Variants in NGEF observed in about 807,000 individuals in gnomAD.
NGEF encodes the protein ephexin-1.
A neutral mutation model predicts 80.9 loss-of-function variants in NGEF; 31 were observed. The ratio of observed to expected loss-of-function variants is 0.38; its 90% CI spans 0.29 to 0.52. The LOEUF is 0.52. Ranked by LOEUF, NGEF falls within the 20% of genes least tolerant of loss-of-function variation. NGEF has a pLI of 0.84. For synonymous variants in NGEF, 371 were observed against 370.2 expected (o/e 1.00, Z -0.03); for missense variants, 709 against 926.2 (o/e 0.77, Z 3.04).
intron 3 of NGEF, among the ~76,000 whole-genome samples, chr2:232,937,621 T>G (rs553762184): frequency 6.6e-6 from 1 of 152,294 alleles, no homozygotes; most frequent in South Asian, 2.1e-4. Context: ...GATCTCTGCA[T>G]CCTCAGCACC....
Position 232,888,073 on chromosome 2 carries a change from C to A in NGEF, c.1307G>T (p.Arg436Leu), listed in dbSNP as rs572634482. The change falls in exon 9 of 15, where the codon CGG becomes CTG. Residue 436 changes from arginine (R) to leucine (L), a missense_variant. Transcript: ENST00000264051. ...ILKRVEERSE[R>L]ECTALDAHKE... ...GTGAGCATCCAAAGCAGTGCACTCC[C>A]GCTCAGACCTCTCTTCTACCCTCTT... 8.1e-6 allele frequency: 13 copies of A among 1,613,086 alleles called. No individual in the cohort carries two copies. In the South Asian group the frequency reaches 1.2e-4, roughly 15 times the overall value.
chr2:232,885,202 G>C, intron 10 of NGEF, 78 bp downstream of exon 10: 8 of 1,333,926 alleles, frequency 6.0e-6, no homozygotes, highest in Non-Finnish European at 1.1e-6. Flanking sequence ...GGCCAGCCAG[G>C]CGCGGTGATC....
intron 8 of NGEF, among the ~76,000 whole-genome samples, chr2:232,889,000 C>T (rs1328105123): frequency 6.6e-6 from 1 of 152,160 alleles, no homozygotes; most frequent in Non-Finnish European, 1.5e-5. Flanking sequence ...GGGCACCAAC[C>T]ACCTGTCCTC....
At chr2:232,995,622 T>TATATATACA in intron 1 of NGEF, among the ~76,000 whole-genome samples, 7 of 32,002 alleles carry the variant, frequency 2.2e-4, no homozygotes, top group Non-Finnish European at 3.5e-4. Context: ...TGTATACGTA[T>TATATATACA]GTATACTGTA....
rs371494668 is a variant in NGEF at position 232,997,483 on chromosome 2, C to T, written c.-75+15585G>A. Reference sequence around the variant, plus strand: ...AAGCTGGCATCCAAGCCAGAACCCCCGGGCACCTTTGGGAATATGCACCCT... The same window carrying T: ...AAGCTGGCATCCAAGCCAGAACCCCTGGGCACCTTTGGGAATATGCACCCT... On this transcript the variant is annotated intron_variant, in intron 1 of 14. Coordinates refer to ENST00000264051, the MANE Select transcript of NGEF (RefSeq NM_019850.3). Among the ~76,000 whole-genome samples the T allele has an allele frequency of 1.9e-4, 29 of 152,102 alleles. 1 individual carries two copies. The highest frequency in any genetic ancestry group is 3.8e-4 in the Non-Finnish European group (26 of 68,008).
chr2:232,967,706 G>GGGGTGT (rs112187334), intron 3 of NGEF, among the ~76,000 whole-genome samples: 6 of 148,348 alleles, frequency 4.0e-5, no homozygotes, highest in African/African-American at 1.0e-4. Flanking sequence ...ATAAAATAGG[G>GGGGTGT]GTGTGTGTGT....
chr2:232,934,548 T>C (rs1693289726), intron 3 of NGEF, among the ~76,000 whole-genome samples: 1 of 152,206 alleles, frequency 6.6e-6, no homozygotes. Context: ...TCAGCTAAAT[T>C]CCACATGTTC....
intron 3 of NGEF, among the ~76,000 whole-genome samples, chr2:232,954,365 A>C (rs561051134): frequency 3.5e-4 from 53 of 152,288 alleles, no homozygotes; most frequent in African/African-American, 1.3e-3. Flanking sequence ...GAAAAGATGG[A>C]TAAGTTGCCA....
At chr2:232,913,282 G>C (rs182964303) in intron 5 of NGEF, among the ~76,000 whole-genome samples, 199 of 152,316 alleles carry the variant, frequency 1.3e-3, no homozygotes, top group African/African-American at 4.7e-3. Flanking sequence ...ATTTCCAAGT[G>C]TTTGGAGATT....
chr2:232,907,125 C>T (rs563294518), intron 5 of NGEF, among the ~76,000 whole-genome samples: 2 of 146,170 alleles, frequency 1.4e-5, no homozygotes, highest in Non-Finnish European at 3.0e-5. Flanking sequence ...CCTGCCAAAT[C>T]CCCCTCTGCG....
At chr2:232,904,851 C>T (rs1692452838) in intron 5 of NGEF, among the ~76,000 whole-genome samples, 1 of 152,122 alleles carries the variant, frequency 6.6e-6, no homozygotes, top group East Asian at 1.9e-4. Context: ...GAGGCTGAGG[C>T]AGGACAGCTT....
intron 1 of NGEF, among the ~76,000 whole-genome samples, chr2:233,010,700 G>T (rs1559247707): frequency 6.6e-6 from 1 of 152,174 alleles, no homozygotes. Flanking sequence ...GCCCACAGAG[G>T]GTGCTCCAGC....
chr2:232,920,255 G>A (rs566676736), intron 5 of NGEF, 29 bp downstream of exon 5: 4 of 1,591,842 alleles, frequency 2.5e-6, no homozygotes, highest in African/African-American at 2.7e-5. Context: ...TGTGCTGTGG[G>A]GGAGCCCCCG....
intron 5 of NGEF, among the ~76,000 whole-genome samples, chr2:232,907,174 G>GAAAAAAAA (rs1559204407): frequency 3.0e-5 from 1 of 33,060 alleles, no homozygotes; most frequent in East Asian, 8.8e-4. Context: ...AAAAAAAAAA[G>GAAAAAAAA]AAAAGAAAAA....
rs552502959 is a variant in NGEF, at chr2:232,927,878, G to A, written c.384-692C>T. On this transcript the variant is annotated intron_variant, in intron 3 of 14. Coordinates refer to ENST00000264051, the MANE Select transcript of NGEF (RefSeq NM_019850.3). Reference sequence around the variant, plus strand: ...GGGGCGGCGCGCCGGGGCCGGGACAGGCGCCCGTCCTCACCTGCCGGGCAG... The same window carrying A: ...GGGGCGGCGCGCCGGGGCCGGGACAAGCGCCCGTCCTCACCTGCCGGGCAG... 58 of 1,270,586 alleles carry A rather than the reference G, an allele frequency of 4.6e-5. No homozygotes were observed. In the African/African-American group the frequency reaches 8.4e-4, roughly 18 times the overall value. 78.7% of individuals were successfully genotyped at this position (1,270,586 alleles called of 1,614,324 possible). A position where few individuals can be genotyped will look rare whatever the true frequency, so the allele number is the denominator to read the frequency against.
In NGEF at chr2:233,013,152, A is replaced by AGG. The variant is rs1290919553; in HGVS notation, c.-161_-160dup. Reference sequence around the variant, plus strand: ...CTGTCCTGTCCAGGCACCTGCGAGCAGGATGGTGTGTCCCCGGCTAAATCC... The same window carrying AGG: ...CTGTCCTGTCCAGGCACCTGCGAGCAGGGGATGGTGTGTCCCCGGCTAAATCC... On this transcript the variant is annotated 5_prime_UTR_variant, in exon 1 of 15. It introduces an in-frame stop codon into an upstream open reading frame of the 5' UTR. Transcript: ENST00000264051. 1 of 471,300 alleles carries AGG rather than the reference A, an allele frequency of 2.1e-6. No homozygotes were observed. Among genetic ancestry groups the AGG allele is most frequent in the Non-Finnish European group, 4.4e-6 (1 of 227,080 alleles). The allele number at this position is 471,300 out of a possible 1,614,324, so 29.2% of individuals were successfully genotyped here.
At chr2:232,973,150 A>G (rs982042988) in intron 2 of NGEF, among the ~76,000 whole-genome samples, 7 of 152,060 alleles carry the variant, frequency 4.6e-5, no homozygotes, top group African/African-American at 1.7e-4. Context: ...CTTTGCCTTT[A>G]TCTCTCCTGT....
intron 5 of NGEF, among the ~76,000 whole-genome samples, chr2:232,898,344 G>A (rs142231021): frequency 8.5e-5 from 13 of 152,292 alleles, no homozygotes; most frequent in African/African-American, 3.1e-4. Context: ...TCTTCTGGCC[G>A]ACAGCATCTC....
chr2:232,926,804 C>T (rs1174528617), intron 4 of NGEF, among the ~76,000 whole-genome samples: 1 of 152,216 alleles, frequency 6.6e-6, no homozygotes, highest in East Asian at 1.9e-4. Context: ...GGCAAATAGA[C>T]CTCTCCGCAG....
Sources: allele counts gnomAD v4.1 joint callset (sites outside exome capture counted in the v4.1 genomes callset), GRCh38; gene constraint gnomAD v4.1.1; transcripts MANE v1.5; gene names NCBI Gene and HGNC (gene_info 2026-07-23, HGNC 2026-07-21).